ARFGEF2: variants seen among roughly 807,000 people sequenced by gnomAD.
ARFGEF2 encodes the protein brefeldin A-inhibited guanine nucleotide-exchange protein 2.
Under a neutral mutation model 219.9 loss-of-function variants are expected in ARFGEF2, and 74 were observed. The observed-to-expected ratio is 0.34, with a 90% CI of 0.28 to 0.41. ARFGEF2 has a LOEUF of 0.41. Ranked by LOEUF, ARFGEF2 falls within the 10% of genes least tolerant of loss-of-function variation. ARFGEF2 has a pLI of 1.00. For synonymous variants in ARFGEF2, 733 were observed against 799.2 expected (o/e 0.92, Z 1.40); for missense variants, 1,743 against 2,218.3 (o/e 0.79, Z 4.30).
chr20:48,973,726 T>C (rs545919753), intron 12 of ARFGEF2, among the ~76,000 whole-genome samples: 1 of 152,284 alleles, frequency 6.6e-6, no homozygotes, highest in African/African-American at 2.4e-5. Context: ...GATGCTTAAC[T>C]GTAGGTTTCT....
chr20:48,924,532 A>G (rs1212423198), intron 1 of ARFGEF2, among the ~76,000 whole-genome samples: 1 of 143,004 alleles, frequency 7.0e-6, no homozygotes, highest in Non-Finnish European at 1.5e-5. Flanking sequence ...AAAAAAAAAA[A>G]GGCTGAAACG....
chr20:49,010,571 T>G (rs990767958), intron 27 of ARFGEF2, among the ~76,000 whole-genome samples, 167 bp downstream of exon 27: 13 of 152,250 alleles, frequency 8.5e-5, no homozygotes, highest in Admixed American at 2.6e-4. Context: ...AATCTTGATC[T>G]TAACTCTGTT....
At chr20:49,003,281 A>G (rs2123495717) in intron 25 of ARFGEF2, among the ~76,000 whole-genome samples, 1 of 151,750 alleles carries the variant, frequency 6.6e-6, no homozygotes, top group Admixed American at 6.6e-5. Flanking sequence ...ATTTTTCATT[A>G]TTACAAATGA....
chr20:48,956,816 G>T (rs2091108652), intron 6 of ARFGEF2, among the ~76,000 whole-genome samples: 1 of 152,122 alleles, frequency 6.6e-6, no homozygotes, highest in African/African-American at 2.4e-5. Context: ...CTGACCTCAG[G>T]TGATCCACCC....
At chr20:49,028,780 A>T in intron 37 of ARFGEF2, 112 bp downstream of exon 37, 6 of 1,239,046 alleles carry the variant, frequency 4.8e-6, no homozygotes, top group Admixed American at 2.1e-5. Flanking sequence ...ACTCTGACAA[A>T]TTTTTTTTTC....
At chr20:49,024,124 G>A (rs957243387) in intron 35 of ARFGEF2, among the ~76,000 whole-genome samples, 1 of 151,960 alleles carries the variant, frequency 6.6e-6, no homozygotes, top group Admixed American at 6.6e-5. Context: ...GGCACATGCC[G>A]CCATGCCCAG....
chr20:48,999,155 T>G (rs6019576), intron 25 of ARFGEF2: 60,945 of 383,938 alleles, frequency 0.16, 6,303 homozygotes, highest in East Asian at 0.37. Flanking sequence ...GGAGAATTGC[T>G]TGAACCTGGG....
At chr20:48,945,651 T>C (rs982111536) in intron 3 of ARFGEF2, among the ~76,000 whole-genome samples, 1 of 152,116 alleles carries the variant, frequency 6.6e-6, no homozygotes, top group Non-Finnish European at 1.5e-5. Flanking sequence ...AGGCCAGGTA[T>C]TTGAGAACAG....
chr20:48,981,986 A>C (rs1333951847), intron 14 of ARFGEF2, among the ~76,000 whole-genome samples: 1 of 152,190 alleles, frequency 6.6e-6, no homozygotes, highest in Non-Finnish European at 1.5e-5. Flanking sequence ...TACTTCTGTC[A>C]GCTTGTCAAA....
intron 21 of ARFGEF2, among the ~76,000 whole-genome samples, chr20:48,993,135 A>T (rs1428839420): frequency 1.3e-5 from 2 of 152,236 alleles, no homozygotes; most frequent in Non-Finnish European, 2.9e-5. Flanking sequence ...TAGAGAATCA[A>T]TGAATAGTTG....
chr20:49,021,167 C>G (rs1199280314), intron 34 of ARFGEF2, among the ~76,000 whole-genome samples: 1 of 150,416 alleles, frequency 6.6e-6, no homozygotes, highest in Non-Finnish European at 1.5e-5. Context: ...TTTGGGAGAC[C>G]AGGACCAATG....
At position 48,973,253 on chromosome 20, in the gene ARFGEF2, G is replaced by A. The variant is rs747608353; in HGVS notation, c.1634G>A (p.Ser545Asn). The A allele has an allele frequency of 1.6e-5, 26 of 1,614,086 alleles. No individual in the cohort carries two copies. Among genetic ancestry groups the A allele is most frequent in the Non-Finnish European group, 2.1e-5 (25 of 1,180,040 alleles). The part of the protein sequence containing the change: ...NDLSKIAQGR[S>N]GHELGMTPLQ... ...TTATCCAAAATTGCTCAGGGAAGAA[G>A]TGGACATGAGCTGGGAATGACACCT... The change falls in exon 12 of 39, where the codon AGT (serine) becomes AAT (asparagine). Residue 545 changes from serine (S) to asparagine (N), a missense_variant. Physicochemically the swap from Ser to Asn is conservative, Grantham distance 46 (BLOSUM62 1). Transcript: ENST00000371917.
At position 48,961,108 on chromosome 20, in the gene ARFGEF2, A is replaced by ATAATAATAATAATAATAATAATAG. The variant is rs2091147554; in HGVS notation, c.839-2718_839-2717insAATAATAATAATAATAATAGTAAT. Among the ~76,000 whole-genome samples, 5 of 148,976 alleles carry ATAATAATAATAATAATAATAATAG rather than the reference A, an allele frequency of 3.4e-5. No homozygotes were observed. The South Asian group carries it at 1.1e-3, about 31-fold the overall frequency. On this transcript the variant is annotated intron_variant, in intron 6 of 38. Transcript: ENST00000371917. ...TATAATAATAATAATAATAATAATA[A>ATAATAATAATAATAATAATAATAG]TAATTTTCTTTATTCAATAATAAAT...
At chr20:48,991,478 T>C (rs907181730) in intron 21 of ARFGEF2, among the ~76,000 whole-genome samples, 1 of 151,972 alleles carries the variant, frequency 6.6e-6, no homozygotes, top group African/African-American at 2.4e-5. Flanking sequence ...TTTTTTTTTT[T>C]TTTAGTCCTT....
At chr20:48,951,239 T>A in intron 3 of ARFGEF2, 84 bp from the exon 4 acceptor site, 1 of 1,537,790 alleles carries the variant, frequency 6.5e-7, no homozygotes, top group African/African-American at 1.4e-5. Context: ...TGGAAGTGCC[T>A]GTCTTTTGCT....
rs1569749 is a variant in ARFGEF2, at chr20:48,984,972, A to G, written c.2070+132A>G. The G allele has an allele frequency of 0.32, 485,011 of 1,510,598 alleles. 80,254 individuals carry two copies. The highest frequency in any genetic ancestry group is 0.53 in the African/African-American group (38,180 of 71,894). The allele number at this position is 1,510,598 out of a possible 1,614,324, so 93.6% of individuals were successfully genotyped here. On this transcript the variant is annotated intron_variant, in intron 15 of 38. Coordinates refer to ENST00000371917, the MANE Select transcript of ARFGEF2 (RefSeq NM_006420.3). The stretch of plus-strand genomic sequence containing the variant: ...TCCACCCCCGGGTTATACATTGTCT[A>G]TTGTCCACCCCCGGGTTACAGCAGT...
intron 8 of ARFGEF2, among the ~76,000 whole-genome samples, chr20:48,966,950 G>A (rs1034175243): frequency 1.6e-4 from 24 of 152,116 alleles, no homozygotes; most frequent in Non-Finnish European, 3.5e-4. Context: ...GGGCTCAAAT[G>A]ATCCTGCCAC....
intron 25 of ARFGEF2, 141 bp from the exon 26 acceptor site, chr20:49,004,929 A>C (rs1253046692): frequency 7.5e-6 from 7 of 937,698 alleles, no homozygotes; most frequent in African/African-American, 1.6e-5. Context: ...ATAGCCAAGA[A>C]ATAGCATTTT....
At chr20:49,024,384 A>T (rs895196349) in intron 35 of ARFGEF2, among the ~76,000 whole-genome samples, 3 of 152,150 alleles carry the variant, frequency 2.0e-5, no homozygotes, top group Non-Finnish European at 4.4e-5. Context: ...ATCCTGTGAG[A>T]GTGAGTGAGT....
Sources: allele counts gnomAD v4.1 joint callset (sites outside exome capture counted in the v4.1 genomes callset), GRCh38; gene constraint gnomAD v4.1.1; transcripts MANE v1.5; gene names NCBI Gene and HGNC (gene_info 2026-07-23, HGNC 2026-07-21).